The following NOX4 variants were observed in gnomAD, a reference collection of about 807,000 sequenced individuals.
The protein encoded by NOX4 is NADPH oxidase 4, also known as kidney oxidase-1.
A neutral mutation model predicts 87.6 loss-of-function variants in NOX4; 69 were observed. That is an observed-to-expected ratio of 0.79 (90% CI 0.65 to 0.96). NOX4 has a LOEUF of 0.96. NOX4 is among the 40% of genes least tolerant of loss of function. The pLI, the probability that NOX4 is intolerant of heterozygous loss-of-function variation, is 0.00. For missense variants in NOX4, 680 were observed against 681.5 expected, an observed-to-expected ratio of 1.00 and a Z score of 0.02; for synonymous variants, 275 against 238.2, an observed-to-expected ratio of 1.15 and a Z score of -1.42.
the NOX4 span, among the ~76,000 whole-genome samples, chr11:89,535,777 TAAC>T: frequency 6.6e-6 from 1 of 152,190 alleles, no homozygotes. Flanking sequence ...TGAAATTAGA[TAAC>T]AAATATAAAA....
At chr11:89,537,789 C>T in the NOX4 span, among the ~76,000 whole-genome samples, 2 of 152,148 alleles carry the variant, frequency 1.3e-5, no homozygotes, top group Non-Finnish European at 2.9e-5. Context: ...GCTAGACTCA[C>T]ACTTTGTCCA....
the NOX4 span, among the ~76,000 whole-genome samples, chr11:89,542,556 G>A: frequency 5.9e-5 from 9 of 152,110 alleles, no homozygotes; most frequent in Non-Finnish European, 1.2e-4. Context: ...GATTCTGTCC[G>A]GAATACAAAT....
At chr11:89,553,110 T>G in the NOX4 span, among the ~76,000 whole-genome samples, 1 of 152,054 alleles carries the variant, frequency 6.6e-6, no homozygotes, top group Non-Finnish European at 1.5e-5. Flanking sequence ...AGGGTCCTAG[T>G]CAGAATTCCA....
intron 11 of NOX4, among the ~76,000 whole-genome samples, chr11:89,378,456 C>T (rs1371638381): frequency 6.6e-6 from 1 of 152,110 alleles, no homozygotes; most frequent in Admixed American, 6.6e-5. Context: ...TAGTACGACT[C>T]TTATGCTCCT....
At position 89,490,538 on chromosome 11, in the gene NOX4, T is replaced by C. The variant is rs758003534; in HGVS notation, c.73A>G (p.Met25Val). The C allele has an allele frequency of 3.0e-5, 48 of 1,613,746 alleles. No homozygotes were observed. Among genetic ancestry groups the C allele is most frequent in the Non-Finnish European group, 3.8e-5 (45 of 1,179,850 alleles). Reference protein sequence around the residue: ...KHLCLFIWLSMNVLLFWKTFL... With the variant: ...KHLCLFIWLSVNVLLFWKTFL... Reference sequence around the variant, plus strand: ...GTTTTCCAGAAAAGCAGGACATTCATGGAGAGCCAGATGAACTAAACCAAT... The same window carrying C: ...GTTTTCCAGAAAAGCAGGACATTCACGGAGAGCCAGATGAACTAAACCAAT... Residue 25 changes from methionine to valine, a missense_variant, in exon 2 of 18, where the codon ATG (methionine) becomes GTG (valine). Transcript: ENST00000263317.
the NOX4 span, among the ~76,000 whole-genome samples, chr11:89,550,738 G>A: frequency 4.9e-4 from 74 of 152,114 alleles, no homozygotes; most frequent in African/African-American, 1.7e-3. Flanking sequence ...CCCAATCTGT[G>A]GGTTGCCTGT....
chr11:89,453,021 G>A (rs963645441), intron 2 of NOX4, among the ~76,000 whole-genome samples: 1 of 143,842 alleles, frequency 7.0e-6, no homozygotes, highest in Non-Finnish European at 1.5e-5. Flanking sequence ...TACAGCCTGG[G>A]TGAAAGGGCG....
chr11:89,377,090 A>C (rs1337771310), intron 11 of NOX4, among the ~76,000 whole-genome samples: 1 of 152,118 alleles, frequency 6.6e-6, no homozygotes, highest in Non-Finnish European at 1.5e-5. Context: ...CATAAAAAAT[A>C]AAAAGACAGA....
chr11:89,410,941 G>T (rs538535832), intron 8 of NOX4, among the ~76,000 whole-genome samples: 1 of 152,206 alleles, frequency 6.6e-6, no homozygotes, highest in Non-Finnish European at 1.5e-5. Flanking sequence ...AGGCAACACA[G>T]CTCACAGTTC....
chr11:89,506,088 A>G, the NOX4 span, among the ~76,000 whole-genome samples: 1 of 151,688 alleles, frequency 6.6e-6, no homozygotes, highest in South Asian at 2.1e-4. Context: ...CTGATTAAAG[A>G]CTGCATAAAT....
At chr11:89,584,628 A>G in the NOX4 span, among the ~76,000 whole-genome samples, 1 of 152,264 alleles carries the variant, frequency 6.6e-6, no homozygotes, top group Non-Finnish European at 1.5e-5. Flanking sequence ...TGGTAACTAT[A>G]ATGCTTATTG....
At position 89,432,780 on chromosome 11, in the gene NOX4, T is replaced by A; in HGVS notation, c.548+4A>T. On this transcript the variant is annotated splice_donor_region_variant and intron_variant, in intron 7 of 17. Transcript: ENST00000263317. ...ACATCAAAATAATTGATTCTGACAC[T>A]TACCTTATTGCATATGTAGAGGCTG... is the stretch of plus-strand genomic sequence containing the variant. 1.3e-6 allele frequency: 2 copies of A among 1,597,254 alleles called. No homozygotes were observed. Among genetic ancestry groups the A allele is most frequent in the Non-Finnish European group, 1.7e-6 (2 of 1,165,716 alleles).
the NOX4 span, among the ~76,000 whole-genome samples, chr11:89,561,031 C>T: frequency 8.2e-5 from 7 of 85,574 alleles, no homozygotes; most frequent in African/African-American, 1.5e-4. Context: ...CATACACACA[C>T]ACATACACAT....
the NOX4 span, among the ~76,000 whole-genome samples, chr11:89,504,601 A>T: frequency 6.6e-6 from 1 of 152,020 alleles, no homozygotes; most frequent in African/African-American, 2.4e-5. Context: ...AGGGTCTACC[A>T]AAATTGTGAT....
chr11:89,391,269 T>C (rs963168085), intron 11 of NOX4, among the ~76,000 whole-genome samples: 8 of 152,038 alleles, frequency 5.3e-5, no homozygotes, highest in African/African-American at 1.9e-4. Flanking sequence ...CTTAATCTAA[T>C]AGGGAAGGGT....
the NOX4 span, among the ~76,000 whole-genome samples, chr11:89,527,378 C>T: frequency 1.3e-5 from 2 of 152,204 alleles, no homozygotes; most frequent in South Asian, 2.1e-4. Flanking sequence ...TTCAAGCCTG[C>T]TGCAGAAATG....
the NOX4 span, among the ~76,000 whole-genome samples, chr11:89,515,639 C>A: frequency 6.6e-6 from 1 of 151,536 alleles, no homozygotes; most frequent in Admixed American, 6.6e-5. Flanking sequence ...TTTGCCTATA[C>A]CAGGATTGTA....
chr11:89,486,642 G>GTA (rs1472759875), intron 2 of NOX4, among the ~76,000 whole-genome samples: 1 of 112,210 alleles, frequency 8.9e-6, no homozygotes, highest in African/African-American at 4.7e-5. Flanking sequence ...ACATATATAT[G>GTA]TGTGTATATA....
At chr11:89,553,038 C>T in the NOX4 span, among the ~76,000 whole-genome samples, 1 of 152,094 alleles carries the variant, frequency 6.6e-6, no homozygotes, top group East Asian at 1.9e-4. Context: ...TGCCACTCAC[C>T]CCAGAGAAAA....
Sources: allele counts gnomAD v4.1 joint callset (sites outside exome capture counted in the v4.1 genomes callset), GRCh38; gene constraint gnomAD v4.1.1; transcripts MANE v1.5; gene names NCBI Gene and HGNC (gene_info 2026-07-23, HGNC 2026-07-21).